Variants in ASXL2 observed in about 807,000 individuals in gnomAD.
ASXL2 encodes the protein ASXL transcriptional regulator 2.
ASXL2 carries 23 observed loss-of-function variants against 122.0 expected under a neutral mutation model. The ratio of observed to expected loss-of-function variants is 0.19; its 90% confidence interval spans 0.14 to 0.27. ASXL2 has a LOEUF of 0.27. ASXL2 is among the 10% of genes least tolerant of loss of function. The pLI is 1.00. For missense variants in ASXL2, 1,518 were observed against 1,713.8 expected, an observed-to-expected ratio of 0.89 and a Z score of 2.02; for synonymous variants, 650 against 637.0, an observed-to-expected ratio of 1.02 and a Z score of -0.31.
chr2:25,873,359 C>T (rs2089979700), intron 1 of ASXL2, among the ~76,000 whole-genome samples: 1 of 152,024 alleles, frequency 6.6e-6, no homozygotes, highest in Non-Finnish European at 1.5e-5. Flanking sequence ...TGCAGTGAGC[C>T]GAGATTGCAC....
At chr2:25,855,440 G>T (rs548386672) in intron 1 of ASXL2, among the ~76,000 whole-genome samples, 1 of 152,094 alleles carries the variant, frequency 6.6e-6, no homozygotes, top group African/African-American at 2.4e-5. Flanking sequence ...AGGCCAAGGC[G>T]GGCAGATTCC....
chr2:25,775,473 C>T (rs2088531721), intron 5 of ASXL2, among the ~76,000 whole-genome samples: 1 of 152,118 alleles, frequency 6.6e-6, no homozygotes, highest in Non-Finnish European at 1.5e-5. Context: ...AGCGGAGTGA[C>T]CTGTAATCAC....
intron 5 of ASXL2, among the ~76,000 whole-genome samples, chr2:25,789,443 G>A (rs1574417538): frequency 6.6e-6 from 1 of 152,068 alleles, no homozygotes; most frequent in African/African-American, 2.4e-5. Flanking sequence ...TTGTTAGAGT[G>A]GTTATTTTGG....
intron 1 of ASXL2, among the ~76,000 whole-genome samples, chr2:25,864,833 A>ATTTTTTT (rs11358919): frequency 1.4e-5 from 2 of 144,144 alleles, no homozygotes; most frequent in Non-Finnish European, 3.1e-5. Flanking sequence ...ACAATTTACA[A>ATTTTTTT]TTTTTTTTTT....
chr2:25,855,439 C>T (rs530273560), intron 1 of ASXL2, among the ~76,000 whole-genome samples: 24 of 152,190 alleles, frequency 1.6e-4, no homozygotes, highest in South Asian at 8.3e-4. Context: ...AAGGCCAAGG[C>T]GGGCAGATTC....
chr2:25,799,611 T>A (rs759796224), intron 4 of ASXL2, 76 bp from the exon 5 acceptor site: 7 of 1,497,174 alleles, frequency 4.7e-6, no homozygotes, highest in Non-Finnish European at 6.2e-6. Context: ...TGATATGCAA[T>A]GTTGCAACTT....
intron 3 of ASXL2, among the ~76,000 whole-genome samples, chr2:25,821,961 A>G (rs1414859132): frequency 2.0e-5 from 3 of 152,222 alleles, no homozygotes; most frequent in Non-Finnish European, 4.4e-5. Flanking sequence ...CTCCTAGAAC[A>G]ACTCCTGCTT....
chr2:25,774,898 A>G (rs2088520488), intron 5 of ASXL2, among the ~76,000 whole-genome samples: 1 of 152,174 alleles, frequency 6.6e-6, no homozygotes, highest in Non-Finnish European at 1.5e-5. Flanking sequence ...TGTTTATATC[A>G]GGCTTTCTCA....
chr2:25,823,915 T>C (rs1443746827), intron 3 of ASXL2, among the ~76,000 whole-genome samples: 1 of 151,836 alleles, frequency 6.6e-6, no homozygotes, highest in Non-Finnish European at 1.5e-5. Context: ...TTTTTATTTT[T>C]AATTGAGGAA....
At chr2:25,841,656 G>A (rs1347069602) in intron 2 of ASXL2, among the ~76,000 whole-genome samples, 1 of 152,024 alleles carries the variant, frequency 6.6e-6, no homozygotes, top group African/African-American at 2.4e-5. Flanking sequence ...AGACCAGCCT[G>A]GCCAACTTGG....
Position 25,768,750 on chromosome 2 carries a change from G to C in ASXL2, c.623C>G (p.Ala208Gly). 2 of 1,613,156 alleles carry C rather than the reference G, an allele frequency of 1.2e-6. No individual in the cohort carries two copies. Among genetic ancestry groups the C allele is most frequent in the Non-Finnish European group, 1.7e-6 (2 of 1,179,456 alleles). Residue 208 changes from alanine (A) to glycine (G), a missense_variant, in exon 7 of 13, where the codon GCC becomes GGC. Around this residue, in one of 8 missense-constraint regions of ASXL2, gnomAD observed 198 missense variants for 209.0 expected, o/e 0.95. Transcript: ENST00000435504. ...TVKAASDSVP[A>G]KPATWEGKQS... ...CTGCCCAAACTGCCTACCAGGTTTG[G>C]CAGGTACAGAGTCACTGGCTGCTTT...
At chr2:25,835,797 A>C (rs1279919033) in intron 2 of ASXL2, among the ~76,000 whole-genome samples, 1 of 152,206 alleles carries the variant, frequency 6.6e-6, no homozygotes, top group Non-Finnish European at 1.5e-5. Flanking sequence ...CAGTTGCAGT[A>C]ATTTGATTAT....
intron 4 of ASXL2, among the ~76,000 whole-genome samples, chr2:25,804,033 T>G (rs1299128024): frequency 6.6e-6 from 1 of 152,210 alleles, no homozygotes; most frequent in Non-Finnish European, 1.5e-5. Context: ...TTAATAAATT[T>G]TTTAAACAGT....
rs761570693 is a variant in ASXL2, at chr2:25,756,009, A to C, written c.1036+9T>G. ...ACCACCTGGGAGACACATTAAGTAG[A>C]GCACTTACCTTCTGAGAGTCTTTCC... On this transcript the variant is annotated intron_variant, in intron 10 of 12. Transcript: ENST00000435504. 3 of 1,608,444 alleles carry C rather than the reference A, an allele frequency of 1.9e-6. No homozygotes were observed. The highest frequency in any genetic ancestry group is 2.6e-6 in the Non-Finnish European group (3 of 1,174,908).
chr2:25,806,374 CAATT>C (rs2089082542), intron 3 of ASXL2, 37 bp from the exon 4 acceptor site: 2 of 1,405,468 alleles, frequency 1.4e-6, no homozygotes, highest in African/African-American at 2.8e-5. Flanking sequence ...AGGAACACAA[CAATT>C]AATTTCTGTC....
chr2:25,860,099 A>G (rs906713176), intron 1 of ASXL2, among the ~76,000 whole-genome samples: 17 of 152,048 alleles, frequency 1.1e-4, no homozygotes, highest in Non-Finnish European at 2.4e-4. Context: ...AGGCGGCCGG[A>G]TCACCTGACG....
intron 3 of ASXL2, among the ~76,000 whole-genome samples, chr2:25,831,456 T>C (rs1307117488): frequency 6.6e-6 from 1 of 152,114 alleles, no homozygotes; most frequent in Non-Finnish European, 1.5e-5. Flanking sequence ...AGCTCAGGTA[T>C]TGCGCTGGGC....
intron 3 of ASXL2, among the ~76,000 whole-genome samples, chr2:25,834,274 A>G (rs566769733): frequency 6.6e-6 from 1 of 152,082 alleles, no homozygotes; most frequent in Non-Finnish European, 1.5e-5. Context: ...AATCACTTGA[A>G]CCTGGGAGGC....
At chr2:25,837,234 A>G (rs2089522596) in intron 2 of ASXL2, among the ~76,000 whole-genome samples, 3 of 152,220 alleles carry the variant, frequency 2.0e-5, no homozygotes, top group African/African-American at 7.2e-5. Context: ...TATCTAGCCT[A>G]AGCACAGAAG....
Sources: allele counts gnomAD v4.1 joint callset (sites outside exome capture counted in the v4.1 genomes callset), GRCh38; gene constraint gnomAD v4.1.1; regional missense constraint gnomAD v4.1.1; transcripts MANE v1.5; gene names NCBI Gene and HGNC (gene_info 2026-07-23, HGNC 2026-07-21).